Variants in DSE observed in about 807,000 individuals in gnomAD.
DSE encodes the protein dermatan sulfate epimerase.
DSE carries 36 observed loss-of-function variants against 84.4 expected under a neutral mutation model. That is an observed-to-expected ratio of 0.43 (90% CI 0.33 to 0.56). DSE has a LOEUF of 0.56. Among genes scored for constraint, DSE ranks in the 20% least tolerant of loss-of-function variants. The pLI is 0.06. For missense variants in DSE, 862 were observed against 1,169.6 expected, an observed-to-expected ratio of 0.74 and a Z score of 3.84; for synonymous variants, 410 against 430.1, an observed-to-expected ratio of 0.95 and a Z score of 0.58.
chr6:116,371,160 C>T (rs2114914468), intron 1 of DSE, 39 bp downstream of exon 1: 26 of 985,750 alleles, frequency 2.6e-5, no homozygotes, highest in Non-Finnish European at 2.6e-5. Flanking sequence ...CTGGGGCGCG[C>T]GGCGCAACTT....
At chr6:116,344,862 G>A (rs566690547) in intron 2 of DSE, among the ~76,000 whole-genome samples, 146 of 152,294 alleles carry the variant, frequency 9.6e-4, no homozygotes, top group African/African-American at 3.4e-3. Context: ...CCATCAGTGT[G>A]CTGTATTCAG....
At chr6:116,432,161 A>T (rs139084130) in intron 4 of DSE, among the ~76,000 whole-genome samples, 1 of 152,214 alleles carries the variant, frequency 6.6e-6, no homozygotes, top group Non-Finnish European at 1.5e-5. Flanking sequence ...AATTCATCCT[A>T]GTAAACAAAG....
At chr6:116,423,953 C>T (rs920451616) in intron 2 of DSE, among the ~76,000 whole-genome samples, 1 of 152,174 alleles carries the variant, frequency 6.6e-6, no homozygotes, top group African/African-American at 2.4e-5. Flanking sequence ...GGGGCTTGGA[C>T]ATTTTCACAG....
chr6:116,332,139 C>T (rs1225128197), intron 2 of DSE, among the ~76,000 whole-genome samples: 1 of 151,910 alleles, frequency 6.6e-6, no homozygotes, highest in Non-Finnish European at 1.5e-5. Flanking sequence ...TGAGCAACAA[C>T]AGAAAATAAA....
At chr6:116,401,615 T>A (rs1781598586) in intron 2 of DSE, among the ~76,000 whole-genome samples, 3 of 152,148 alleles carry the variant, frequency 2.0e-5, no homozygotes, top group Admixed American at 1.3e-4. Flanking sequence ...TCACAGAAAT[T>A]TTAACTTCTT....
chr6:116,337,908 T>C (rs988406891), intron 2 of DSE, among the ~76,000 whole-genome samples: 1 of 152,206 alleles, frequency 6.6e-6, no homozygotes, highest in Non-Finnish European at 1.5e-5. Context: ...ATTTAGACTT[T>C]TTATTCCTGC....
At chr6:116,259,196 C>T in intron 2 of DSE, 2 of 658,768 alleles carry the variant, frequency 3.0e-6, no homozygotes, top group Non-Finnish European at 5.3e-6. Flanking sequence ...AGCAAACTTA[C>T]TTGTAATTTA....
chr6:116,270,701 G>T (rs899890394), intron 2 of DSE, among the ~76,000 whole-genome samples: 2 of 152,132 alleles, frequency 1.3e-5, no homozygotes, highest in African/African-American at 2.4e-5. Flanking sequence ...CCTTTTAAAA[G>T]CTACTTGTGA....
At chr6:116,384,928 G>A (rs78190097) in intron 1 of DSE, among the ~76,000 whole-genome samples, 2,102 of 152,242 alleles carry the variant, frequency 0.014, 63 homozygotes, top group African/African-American at 0.047. Context: ...ACCCAGGAGG[G>A]AATTAGAGAA....
In DSE at chr6:116,436,386, C is replaced by G. The variant is rs1194377582; in HGVS notation, c.1918C>G (p.Pro640Ala). 5.6e-6 allele frequency: 9 copies of G among 1,614,050 alleles called. No homozygotes were observed. The highest frequency in any genetic ancestry group is 1.3e-5 in the African/African-American group (1 of 74,912). Residue 640 changes from proline (P) to alanine (A), a missense_variant, in exon 6 of 6, where the codon CCC becomes GCC. Pro to Ala is a conservative substitution (Grantham distance 27, BLOSUM62 -1). Transcript: ENST00000644252. ...CTCAGTGACATATCCTCGGGGCTAT[C>G]CCTACAATGGGACAAACTATGTGAA... ...FASVTYPRGY[P>A]YNGTNYVNVT...
chr6:116,381,728 G>A (rs1210614826), intron 1 of DSE, among the ~76,000 whole-genome samples: 3 of 152,148 alleles, frequency 2.0e-5, no homozygotes, highest in African/African-American at 7.2e-5. Context: ...GTTCATTGGT[G>A]TAGATACTGT....
At chr6:116,376,301 GGAT>G (rs1216059838) in intron 1 of DSE, among the ~76,000 whole-genome samples, 5 of 152,184 alleles carry the variant, frequency 3.3e-5, no homozygotes, top group African/African-American at 9.7e-5. Flanking sequence ...GCTGGCTTCA[GGAT>G]TTTTACCTTT....
chr6:116,388,510 A>C (rs1341807208), intron 1 of DSE, among the ~76,000 whole-genome samples: 1 of 152,242 alleles, frequency 6.6e-6, no homozygotes, highest in Non-Finnish European at 1.5e-5. Flanking sequence ...AAAAGAAGTC[A>C]CATATGTAAA....
At chr6:116,323,267 G>A (rs1776433651) in intron 2 of DSE, among the ~76,000 whole-genome samples, 1 of 152,090 alleles carries the variant, frequency 6.6e-6, no homozygotes, top group Admixed American at 6.5e-5. Context: ...CATTTACCTT[G>A]TAAGAAATCC....
chr6:116,361,714 CTTAT>C (rs981428543), intron 2 of DSE, among the ~76,000 whole-genome samples: 4 of 152,162 alleles, frequency 2.6e-5, no homozygotes, highest in African/African-American at 9.7e-5. Context: ...TCTCCAAACT[CTTAT>C]TTAGTCTTAT....
At chr6:116,301,222 C>A (rs1037167888) in intron 2 of DSE, among the ~76,000 whole-genome samples, 16 of 152,082 alleles carry the variant, frequency 1.1e-4, no homozygotes, top group Non-Finnish European at 1.0e-4. Context: ...GGCATTCATG[C>A]ACATGCAAGT....
exon 2 of DSE, chr6:116,258,507 T>G (rs777308595): frequency 1.0e-5 from 12 of 1,194,536 alleles, no homozygotes; most frequent in Non-Finnish European, 1.5e-5. Context: ...CGGTTGGACT[T>G]GGCCACATGC....
chr6:116,347,625 C>T (rs532704436), intron 2 of DSE, among the ~76,000 whole-genome samples: 124 of 152,330 alleles, frequency 8.1e-4, no homozygotes, highest in African/African-American at 2.7e-3. Flanking sequence ...CTTCCTTACA[C>T]CGCATACAAA....
At chr6:116,431,614 A>G (rs549153271) in intron 4 of DSE, among the ~76,000 whole-genome samples, 1 of 152,318 alleles carries the variant, frequency 6.6e-6, no homozygotes, top group South Asian at 2.1e-4. Context: ...CTTTCAAACT[A>G]TACAGACATG....
Sources: gnomAD v4.1 joint callset for allele counts (sites outside exome capture counted in the v4.1 genomes callset) on GRCh38, gnomAD v4.1.1 for gene constraint, MANE v1.5 for transcripts, NCBI Gene and HGNC (gene_info 2026-07-23, HGNC 2026-07-21) for gene names.